The following PIK3AP1 variants were observed in gnomAD, a reference collection of about 807,000 sequenced individuals.
PIK3AP1 encodes the protein phosphoinositide 3-kinase adapter protein 1.
Under a neutral mutation model 88.1 loss-of-function variants are expected in PIK3AP1, and 21 were observed. The observed-to-expected ratio is 0.24, with a 90% CI of 0.17 to 0.34. PIK3AP1 has a LOEUF of 0.34. Ranked by LOEUF, PIK3AP1 falls within the 10% of genes least tolerant of loss-of-function variation. The probability of loss-of-function intolerance (pLI) is 1.00; values close to 1 mark genes in which losing one functional copy is unlikely to be tolerated. For missense variants in PIK3AP1, 828 were observed against 1,035.7 expected (o/e 0.80, Z 2.75); for synonymous variants, 398 against 400.0 (o/e 1.00, Z 0.06).
At chr10:96,631,905 A>C (rs1408031609) in intron 8 of PIK3AP1, among the ~76,000 whole-genome samples, 1 of 150,226 alleles carries the variant, frequency 6.7e-6, no homozygotes, top group Admixed American at 6.7e-5. Context: ...CAAAACAAAA[A>C]TAAAACAAAA....
At position 96,604,040 on chromosome 10, in the gene PIK3AP1, C is replaced by G; in HGVS notation, c.2180G>C (p.Ser727Thr). 6.2e-7 allele frequency: 1 copy of G among 1,600,422 alleles called. No individual in the cohort carries two copies. Among genetic ancestry groups the G allele is most frequent in the Non-Finnish European group, 8.5e-7 (1 of 1,171,598 alleles). The change falls in exon 15 of 17, where the codon AGT (serine) becomes ACT (threonine). Residue 727 changes from serine to threonine, a missense_variant. This residue lies in a region of PIK3AP1 where 191 missense variants were observed against 208.6 expected (regional missense o/e 0.92). Coordinates refer to ENST00000339364, the MANE Select transcript of PIK3AP1 (RefSeq NM_152309.3). ...GAGGCTCCGGGTGCTGGAGCGGTTA[C>G]TTGTGCTACCTAAAGGGTAGAAAGA... ...DSTSSTASSTSNRSSTRSLLS... is the reference protein window; with the variant it reads ...DSTSSTASSTTNRSSTRSLLS...
intron 9 of PIK3AP1, among the ~76,000 whole-genome samples, chr10:96,627,716 C>T (rs767889662): frequency 6.6e-6 from 1 of 152,228 alleles, no homozygotes; most frequent in Non-Finnish European, 1.5e-5. Flanking sequence ...ATTTAACATC[C>T]TCCACCTTTG....
chr10:96,620,386 T>C lies in PIK3AP1; in HGVS notation c.1907A>G (p.Gln636Arg), dbSNP rs2134201107. 1 of 1,614,218 alleles carries C rather than the reference T, an allele frequency of 6.2e-7. No individual in the cohort carries two copies. Among genetic ancestry groups the C allele is most frequent in the Non-Finnish European group, 8.5e-7 (1 of 1,180,022 alleles). The change falls in exon 12 of 17, where the codon CAG becomes CGG. Residue 636 changes from glutamine to arginine, a missense_variant. Coordinates refer to ENST00000339364, the MANE Select transcript of PIK3AP1 (RefSeq NM_152309.3). ...ACGAAAGGACTCCGATCGTTTCTTC[T>C]GGTTGAGCTGCCACTCTTTGAAGTG... ...VLHFKEWQLN[Q>R]KKRSESFRFQ...
chr10:96,636,485 C>T (rs578247725), intron 8 of PIK3AP1, among the ~76,000 whole-genome samples: 1 of 152,114 alleles, frequency 6.6e-6, no homozygotes, highest in African/African-American at 2.4e-5. Context: ...CCCGGGCATA[C>T]AGTGAACTAC....
At chr10:96,650,413 A>G (rs10748687) in intron 6 of PIK3AP1, among the ~76,000 whole-genome samples, 62,593 of 152,120 alleles carry the variant, frequency 0.41, 13,135 homozygotes, top group South Asian at 0.47. Flanking sequence ...ATCCCCGTGC[A>G]AGGGGTGTGA....
chr10:96,679,423 G>T (rs974357289), intron 2 of PIK3AP1, among the ~76,000 whole-genome samples: 1 of 151,990 alleles, frequency 6.6e-6, no homozygotes, highest in East Asian at 1.9e-4. Context: ...AGCTACTCAG[G>T]AGGCTGAGGC....
In PIK3AP1 at chr10:96,595,616, G is replaced by A. The variant is rs201824606; in HGVS notation, c.2379C>T (p.Thr793=). Residue 793 remains threonine (T), a synonymous_variant, in exon 17 of 17, where the codon ACC becomes ACT. Coordinates refer to ENST00000339364, the MANE Select transcript of PIK3AP1 (RefSeq NM_152309.3). ...AASQRPPTRE[T]FHPPPPVPPR... ...GTGGAACAGGTGGAGGAGGATGGAA[G>A]GTCTCCCTGGTCGGAGGCCTAAAAT... 2.2e-4 allele frequency: 359 copies of A among 1,613,146 alleles called. No homozygotes were observed. Among genetic ancestry groups the A allele is most frequent in the Non-Finnish European group, 1.7e-4 (195 of 1,179,712 alleles).
chr10:96,682,871 T>C (rs975564126), intron 2 of PIK3AP1, among the ~76,000 whole-genome samples: 18 of 152,224 alleles, frequency 1.2e-4, no homozygotes, highest in Admixed American at 7.9e-4. Flanking sequence ...AAATCCAAGC[T>C]ATTCAGAAGA....
At chr10:96,680,303 G>C (rs1170172338) in intron 2 of PIK3AP1, among the ~76,000 whole-genome samples, 1 of 151,654 alleles carries the variant, frequency 6.6e-6, no homozygotes, top group Non-Finnish European at 1.5e-5. Context: ...TCATACTATT[G>C]ATTTTTTTTT....
In PIK3AP1 at chr10:96,630,201, T is replaced by G. The variant is rs78159817; in HGVS notation, c.1376-1708A>C. On this transcript the variant is annotated intron_variant, in intron 8 of 16. Coordinates refer to ENST00000339364, the MANE Select transcript of PIK3AP1 (RefSeq NM_152309.3). ...AAACAACCTCCTTATTTCTACTTCT[T>G]CAGTTTATGTCTCCTGGCATAGTGG... 9.5e-3 allele frequency among the ~76,000 whole-genome samples: 1,449 copies of G among 152,282 alleles called. 29 individuals carry two copies. The highest frequency in any genetic ancestry group is 0.033 in the African/African-American group (1,353 of 41,554).
At chr10:96,715,652 A>G (rs764353369) in intron 1 of PIK3AP1, among the ~76,000 whole-genome samples, 3 of 152,182 alleles carry the variant, frequency 2.0e-5, no homozygotes, top group Non-Finnish European at 4.4e-5. Flanking sequence ...GCACTCTGGG[A>G]GGCCAAGGCG....
intron 2 of PIK3AP1, among the ~76,000 whole-genome samples, chr10:96,707,422 A>G (rs771603391): frequency 9.7e-4 from 147 of 152,246 alleles, no homozygotes; most frequent in Admixed American, 1.6e-3. Context: ...CCTCCCGAGT[A>G]GCTGGGATTA....
chr10:96,652,652 T>C (rs1843555779), intron 4 of PIK3AP1, 46 bp downstream of exon 4: 1 of 1,600,562 alleles, frequency 6.2e-7, no homozygotes, highest in Non-Finnish European at 8.6e-7. Flanking sequence ...GCATAGCAAA[T>C]AAGCAATGAA....
At chr10:96,632,996 T>G (rs539421411) in intron 8 of PIK3AP1, 75 of 1,612,612 alleles carry the variant, frequency 4.7e-5, no homozygotes, top group Middle Eastern at 1.6e-4. Context: ...TCCTTGCATC[T>G]GATCAGCAAC....
intron 6 of PIK3AP1, 132 bp downstream of exon 6, chr10:96,651,116 C>A: frequency 8.3e-7 from 1 of 1,208,526 alleles, no homozygotes; most frequent in Non-Finnish European, 1.2e-6. Context: ...GAGTCCTTAT[C>A]ACAGGATAGG....
At chr10:96,645,388 G>A in intron 8 of PIK3AP1, 85 bp downstream of exon 8, 1 of 1,395,846 alleles carries the variant, frequency 7.2e-7, no homozygotes, top group South Asian at 1.3e-5. Context: ...GGTACATAGG[G>A]ACTGCCCCGC....
intron 2 of PIK3AP1, among the ~76,000 whole-genome samples, chr10:96,688,874 A>G (rs1450342716): frequency 1.3e-5 from 2 of 152,140 alleles, no homozygotes; most frequent in Admixed American, 6.5e-5. Context: ...CTGGCTAATT[A>G]AAATACGCAT....
At chr10:96,643,774 T>G (rs1249050317) in intron 8 of PIK3AP1, among the ~76,000 whole-genome samples, 1 of 152,214 alleles carries the variant, frequency 6.6e-6, no homozygotes, top group Non-Finnish European at 1.5e-5. Context: ...AGTTCATGGA[T>G]GGGAAAGTCA....
chr10:96,616,500 T>A (rs1347985873), intron 13 of PIK3AP1, 139 bp downstream of exon 13: 3 of 833,920 alleles, frequency 3.6e-6, no homozygotes, highest in Non-Finnish European at 6.0e-6. Flanking sequence ...TACAGTCTAG[T>A]GGGGGACCCA....
Sources: gnomAD v4.1 joint callset for allele counts (sites outside exome capture counted in the v4.1 genomes callset) on GRCh38, gnomAD v4.1.1 for gene constraint, gnomAD v4.1.1 regional missense constraint, MANE v1.5 for transcripts, NCBI Gene and HGNC (gene_info 2026-07-23, HGNC 2026-07-21) for gene names.